The following LUZP2 variants were observed in gnomAD, a reference collection of about 807,000 sequenced individuals.
LUZP2 encodes leucine zipper protein 2.
A neutral mutation model predicts 51.6 loss-of-function variants in LUZP2; 52 were observed. That is an observed-to-expected ratio of 1.01 (90% CI 0.81 to 1.27). The LOEUF is 1.27. Ranked by LOEUF, LUZP2 falls within the 50% of genes most tolerant of loss-of-function variation. The pLI is 0.00. For synonymous variants in LUZP2, 154 were observed against 137.3 expected (o/e 1.12, Z -0.85); for missense variants, 436 against 395.4 (o/e 1.10, Z -0.87).
intron 5 of LUZP2, among the ~76,000 whole-genome samples, chr11:24,887,682 A>T (rs1175183154): frequency 1.3e-5 from 2 of 152,246 alleles, no homozygotes; most frequent in African/African-American, 4.8e-5. Flanking sequence ...AGGCAACATA[A>T]AATTATAAGA....
chr11:24,558,862 G>T (rs970732432), intron 1 of LUZP2, among the ~76,000 whole-genome samples: 1 of 152,176 alleles, frequency 6.6e-6, no homozygotes, highest in South Asian at 2.1e-4. Flanking sequence ...ACTAGACATT[G>T]AATCTGATGA....
At position 24,912,453 on chromosome 11, in the gene LUZP2, A is replaced by G. The variant is rs141663997; in HGVS notation, c.460-2023A>G. Reference sequence around the variant, plus strand: ...TACTTATAGCATTGAACAATGATTGAAAAATTATTGTGCCATTATAACACA... The same window carrying G: ...TACTTATAGCATTGAACAATGATTGGAAAATTATTGTGCCATTATAACACA... On this transcript the variant is annotated intron_variant, in intron 6 of 11. Transcript: ENST00000336930. 4.6e-5 allele frequency among the ~76,000 whole-genome samples: 7 copies of G among 152,238 alleles called. No homozygotes were observed. The East Asian group carries it at 1.4e-3, about 29-fold the overall frequency.
intron 5 of LUZP2, among the ~76,000 whole-genome samples, chr11:24,764,080 G>A (rs1203161715): frequency 2.0e-5 from 3 of 152,072 alleles, no homozygotes; most frequent in Non-Finnish European, 4.4e-5. Flanking sequence ...CAGTGAGAAA[G>A]CCAGCTTACT....
chr11:24,530,727 C>G (rs1850965269), intron 1 of LUZP2, among the ~76,000 whole-genome samples: 2 of 140,900 alleles, frequency 1.4e-5, no homozygotes, highest in South Asian at 2.2e-4. Flanking sequence ...ACATATATCT[C>G]AGCAGCAGTT....
intron 1 of LUZP2, among the ~76,000 whole-genome samples, chr11:24,624,322 A>G (rs1854605348): frequency 6.6e-6 from 1 of 152,154 alleles, no homozygotes; most frequent in Non-Finnish European, 1.5e-5. Context: ...AAAAATAATA[A>G]TGATTTTTTT....
At chr11:24,549,818 T>C (rs7131347) in intron 1 of LUZP2, among the ~76,000 whole-genome samples, 4,213 of 152,144 alleles carry the variant, frequency 0.028, 196 homozygotes, top group African/African-American at 0.097. Flanking sequence ...CCCCCAACGT[T>C]AACTAAAACC....
chr11:24,916,589 G>A (rs188525718), intron 7 of LUZP2, among the ~76,000 whole-genome samples: 293 of 152,080 alleles, frequency 1.9e-3, no homozygotes, highest in African/African-American at 6.7e-3. Context: ...GTGGTGTTTG[G>A]TTTTTTGTCC....
rs544822017 is a variant in LUZP2, at chr11:24,996,888, G to A, written c.765+13595G>A. Among the ~76,000 whole-genome samples, 841 of 151,416 alleles carry A rather than the reference G, an allele frequency of 5.6e-3. 3 individuals are homozygous for A. Among genetic ancestry groups the A allele is most frequent in the Non-Finnish European group, 9.1e-3 (620 of 67,916 alleles). On this transcript the variant is annotated intron_variant, in intron 9 of 11. Transcript: ENST00000336930. The stretch of plus-strand genomic sequence containing the variant: ...GCGGTGTTTGGTTTTTTGTTCTTGC[G>A]ATAGTTTACTGAGAATGATGATTTC...
At chr11:24,632,662 C>A (rs1854936164) in intron 1 of LUZP2, among the ~76,000 whole-genome samples, 1 of 151,992 alleles carries the variant, frequency 6.6e-6, no homozygotes, top group Non-Finnish European at 1.5e-5. Context: ...TTAAAATAGA[C>A]GTGCTCCAAA....
chr11:24,941,837 A>G (rs1854758007), intron 7 of LUZP2, among the ~76,000 whole-genome samples: 1 of 152,146 alleles, frequency 6.6e-6, no homozygotes, highest in Non-Finnish European at 1.5e-5. Flanking sequence ...TGATTAATAT[A>G]TATAAATAGT....
At chr11:24,662,295 C>T (rs151174424) in intron 1 of LUZP2, among the ~76,000 whole-genome samples, 1 of 151,792 alleles carries the variant, frequency 6.6e-6, no homozygotes, top group Non-Finnish European at 1.5e-5. Flanking sequence ...AAAAAATCAA[C>T]AATTGTAGAC....
intron 1 of LUZP2, among the ~76,000 whole-genome samples, chr11:24,574,306 T>C (rs1445962723): frequency 3.4e-5 from 1 of 29,370 alleles, no homozygotes; most frequent in Non-Finnish European, 7.4e-5. Flanking sequence ...TCTTTCTTTT[T>C]CTTTTCCCTC....
intron 1 of LUZP2, among the ~76,000 whole-genome samples, chr11:24,528,464 T>C (rs1850889116): frequency 6.6e-6 from 1 of 151,340 alleles, no homozygotes; most frequent in Non-Finnish European, 1.5e-5. Flanking sequence ...ACATACTTTT[T>C]AAAATGGTGA....
intron 9 of LUZP2, among the ~76,000 whole-genome samples, chr11:25,012,532 C>T (rs148312692): frequency 6.3e-4 from 96 of 152,252 alleles, no homozygotes; most frequent in African/African-American, 2.2e-3. Context: ...CCATTAAAGT[C>T]CTAAATGTGA....
intron 1 of LUZP2, among the ~76,000 whole-genome samples, chr11:24,507,036 C>T (rs1327459395): frequency 6.6e-6 from 1 of 152,010 alleles, no homozygotes; most frequent in African/African-American, 2.4e-5. Context: ...CTAAAATATT[C>T]ATTAGTTTGA....
At chr11:24,958,468 C>T (rs1008293209) in intron 7 of LUZP2, among the ~76,000 whole-genome samples, 1 of 152,114 alleles carries the variant, frequency 6.6e-6, no homozygotes, top group African/African-American at 2.4e-5. Context: ...GATGATAACT[C>T]ATTGTGGTTT....
At chr11:25,033,949 A>G (rs959739471) in intron 9 of LUZP2, among the ~76,000 whole-genome samples, 1 of 152,062 alleles carries the variant, frequency 6.6e-6, no homozygotes, top group African/African-American at 2.4e-5. Flanking sequence ...ATCCCCAGTA[A>G]TGGGATTGCT....
At chr11:25,028,354 A>G (rs922322438) in intron 9 of LUZP2, among the ~76,000 whole-genome samples, 2 of 152,114 alleles carry the variant, frequency 1.3e-5, no homozygotes, top group Non-Finnish European at 2.9e-5. Context: ...CCCACTCCCC[A>G]TGTCCATTAC....
intron 1 of LUZP2, among the ~76,000 whole-genome samples, chr11:24,628,959 A>G (rs1854782053): frequency 6.6e-6 from 1 of 152,158 alleles, no homozygotes. Flanking sequence ...TTAATGTAAA[A>G]GATTAGATCT....
Sources: gnomAD v4.1 joint callset for allele counts (sites outside exome capture counted in the v4.1 genomes callset) on GRCh38, gnomAD v4.1.1 for gene constraint, MANE v1.5 for transcripts, NCBI Gene and HGNC (gene_info 2026-07-23, HGNC 2026-07-21) for gene names.